Variants in TTN observed in about 807,000 individuals in gnomAD.
TTN encodes titin, also known as connectin.
TTN carries 1,525 observed loss-of-function variants against 3,223.0 expected under a neutral mutation model. That is an observed-to-expected ratio of 0.47 (90% confidence interval 0.45 to 0.49). TTN has a LOEUF of 0.49. Ranked by LOEUF, TTN falls within the 20% of genes least tolerant of loss-of-function variation. TTN has a pLI of 0.00. For missense variants in TTN, 40,786 were observed against 43,424.0 expected, an observed-to-expected ratio of 0.94 and a Z score of 5.40; for synonymous variants, 14,094 against 15,161.0, an observed-to-expected ratio of 0.93 and a Z score of 5.17.
Position 178,768,098 on chromosome 2 carries a change from C to T in TTN, c.9221G>A (p.Arg3074Gln), listed in dbSNP as rs565052824. 6.2e-6 allele frequency: 10 copies of T among 1,614,072 alleles called. No individual in the cohort carries two copies. In the East Asian group the frequency reaches 8.9e-5, roughly 14 times the overall value. ...AGAAACTTCACATTCAAACATGGCTCGCTTCTTCTCCAGTACCTTAATGTC... is the reference window on the plus strand; with the variant it reads ...AGAAACTTCACATTCAAACATGGCTTGCTTCTTCTCCAGTACCTTAATGTC... ...IKDIKVLEKK[R>Q]AMFECEVSEP... The change falls in exon 39 of 363, where the codon CGA becomes CAA. Residue 3074 changes from arginine to glutamine, a missense_variant. Arg to Gln is a conservative substitution (Grantham distance 43). Transcript: ENST00000589042.
In TTN at chr2:178,531,410, T is replaced by C; in HGVS notation, c.105205A>G (p.Lys35069Glu). The change falls in exon 358 of 363, where the codon AAA becomes GAA. Residue 35069 changes from lysine (K) to glutamate (E), a missense_variant. Lys to Glu is a moderately conservative substitution (Grantham distance 56). Coordinates refer to ENST00000589042, the MANE Select transcript of TTN (RefSeq NM_001267550.2). ...GACGAAGCTTCCATCTCAGATGTTT[T>C]CTTAAATGATGAAACAGCATACGCC... ...TEAYAVSSFK[K>E]TSEMEASSSV... is the part of the protein sequence containing the mutation. 6.2e-7 allele frequency: 1 copy of C among 1,614,042 alleles called. No homozygotes were observed. Among genetic ancestry groups the C allele is most frequent in the Non-Finnish European group, 8.5e-7 (1 of 1,179,898 alleles).
At chr2:178,761,846 C>T (rs2089288139) in intron 43 of TTN, among the ~76,000 whole-genome samples, 1 of 152,162 alleles carries the variant, frequency 6.6e-6, no homozygotes, top group Admixed American at 6.5e-5. Flanking sequence ...ACTAATTATT[C>T]ATCATTTCTG....
intron 168 of TTN, 54 bp downstream of exon 168, chr2:178,664,406 C>A: frequency 1.5e-6 from 2 of 1,370,288 alleles, no homozygotes; most frequent in South Asian, 2.5e-5. Context: ...GAAAGGTGGT[C>A]CTTTCTATCG....
rs376621189 is a variant in TTN, at chr2:178,599,272, C to T, written c.56521G>A (p.Glu18841Lys). The change falls in exon 290 of 363, where the codon GAG becomes AAG. Residue 18841 changes from glutamate (E) to lysine (K), a missense_variant. Physicochemically the swap from Glu to Lys is moderately conservative, Grantham distance 56 (BLOSUM62 1). Transcript: ENST00000589042. ...AATTTGGGAATCGTGTACGTGCACTCCTTAGGTTCACTGGAGACATGGACC... is the reference window on the plus strand; with the variant it reads ...AATTTGGGAATCGTGTACGTGCACTTCTTAGGTTCACTGGAGACATGGACC... ...TWVHVSSEPKECTYTIPKLLE... is the reference protein window; with the variant it reads ...TWVHVSSEPKKCTYTIPKLLE... 2.5e-6 allele frequency: 4 copies of T among 1,595,810 alleles called. No individual in the cohort carries two copies. The African/African-American group carries it at 5.4e-5, about 22-fold the overall frequency.
In TTN at chr2:178,526,638, T is replaced by A. The variant is rs963597034; in HGVS notation, c.*374A>T. 3.0e-5 allele frequency: 5 copies of A among 169,038 alleles called. No homozygotes were observed. The highest frequency in any genetic ancestry group is 9.6e-5 in the African/African-American group (4 of 41,836). The allele number at this position is 169,038 out of a possible 1,614,324, so 10.5% of individuals were successfully genotyped here. A position where few individuals can be genotyped will look rare whatever the true frequency, so the allele number is the denominator to read the frequency against. On this transcript the variant is annotated 3_prime_UTR_variant, in exon 363 of 363. Coordinates refer to ENST00000589042, the MANE Select transcript of TTN (RefSeq NM_001267550.2). ...ATTTTCTCAACCCACTGAGGCATACTTAGACATCAACAGTATGTTGAGGCA... is the reference window on the plus strand; with the variant it reads ...ATTTTCTCAACCCACTGAGGCATACATAGACATCAACAGTATGTTGAGGCA...
chr2:178,568,323 C>T lies in TTN; in HGVS notation c.77809G>A (p.Val25937Ile). The T allele has an allele frequency of 1.2e-6, 2 of 1,613,420 alleles. No individual in the cohort carries two copies. The highest frequency in any genetic ancestry group is 8.5e-7 in the Non-Finnish European group (1 of 1,179,618). ...IVQKRDTTTT[V>I]WDVVSATVAR... is the part of the protein sequence containing the mutation. ...ACAGTAGCAGAAACAACATCCCATA[C>T]TGTGGTGGTTGTATCTCTTTTCTGA... Residue 25937 changes from valine (V) to isoleucine (I), a missense_variant, in exon 326 of 363, where the codon GTA becomes ATA. Coordinates refer to ENST00000589042, the MANE Select transcript of TTN (RefSeq NM_001267550.2).
At chr2:178,627,321 T>C (rs1421713816) in intron 240 of TTN, among the ~76,000 whole-genome samples, 2 of 151,988 alleles carry the variant, frequency 1.3e-5, no homozygotes, top group African/African-American at 4.8e-5. Flanking sequence ...AGCTTGTTTT[T>C]GCTTGTTTGG....
chr2:178,694,497 G>T, intron 117 of TTN, 102 bp downstream of exon 117: 1 of 716,446 alleles, frequency 1.4e-6, no homozygotes, highest in Non-Finnish European at 2.2e-6. Context: ...TGCTGTTTTT[G>T]GTCGTTTCAG....
chr2:178,601,730 T>C lies in TTN; in HGVS notation c.55360A>G (p.Thr18454Ala). The C allele has an allele frequency of 6.2e-7, 1 of 1,610,018 alleles. No individual in the cohort carries two copies. The highest frequency in any genetic ancestry group is 8.5e-7 in the Non-Finnish European group (1 of 1,178,634). Residue 18454 changes from threonine (T) to alanine (A), a missense_variant, in exon 286 of 363, where the codon ACA (threonine) becomes GCA (alanine). Transcript: ENST00000589042. ...TTGGCTGTGATGCTGTATTTGCCTG[T>C]ATGAGATCGTTTACACTCCGGAATA... ...IIIPECKRSH[T>A]GKYSITAKNK...
chr2:178,549,933 G>A (rs1698666667), intron 337 of TTN, 53 bp downstream of exon 337: 3 of 1,552,668 alleles, frequency 1.9e-6, no homozygotes, highest in Non-Finnish European at 2.6e-6. Context: ...AACTAGGCAT[G>A]TCTCTAATCC....
chr2:178,613,170 C>T lies in TTN; in HGVS notation c.49639G>A (p.Asp16547Asn). ...ATTATATAAATAATACCTATGGGAT[C>T]CTTTATTAAGATTGGTTCAGTTGAT... ...SKSTEPILIK[D>N]PIDPPWPPGK... The change falls in exon 264 of 363, where the codon GAT becomes AAT. Residue 16547 changes from aspartate (D) to asparagine (N), a missense_variant. Physicochemically the swap from Asp to Asn is conservative, Grantham distance 23. Coordinates refer to ENST00000589042, the MANE Select transcript of TTN (RefSeq NM_001267550.2). 6.2e-7 allele frequency: 1 copy of T among 1,609,868 alleles called. No individual in the cohort carries two copies. The highest frequency in any genetic ancestry group is 1.1e-5 in the South Asian group (1 of 90,042).
chr2:178,712,855 C>T lies in TTN; in HGVS notation c.27170G>A (p.Ser9057Asn), dbSNP rs768427223. Reference sequence around the variant, plus strand: ...GCATCTGTCACCTGGTACTAGTTCACTGCTACCTTTGAACCAGCTAACACT... The same window carrying T: ...GCATCTGTCACCTGGTACTAGTTCATTGCTACCTTTGAACCAGCTAACACT... ...PFSVSWFKGS[S>N]ELVPGDRCNV... Residue 9057 changes from serine (S) to asparagine (N), a missense_variant, in exon 94 of 363, where the codon AGT becomes AAT. Coordinates refer to ENST00000589042, the MANE Select transcript of TTN (RefSeq NM_001267550.2). The T allele has an allele frequency of 1.2e-5, 19 of 1,613,686 alleles. No individual in the cohort carries two copies. The South Asian group carries it at 2.1e-4, about 18-fold the overall frequency.
In TTN at chr2:178,568,815, C is replaced by T. The variant is rs757299028; in HGVS notation, c.77317G>A (p.Ala25773Thr). ...QGEEYLFRVV[A>T]VNEKGRSDPR... ...TCACTTCTCCCCTTTTCATTTACAG[C>T]AACAACTCTAAAAAGATATTCTTCC... The change falls in exon 326 of 363, where the codon GCT (alanine) becomes ACT (threonine). Residue 25773 changes from alanine to threonine, a missense_variant. Coordinates refer to ENST00000589042, the MANE Select transcript of TTN (RefSeq NM_001267550.2). The T allele has an allele frequency of 1.9e-6, 3 of 1,613,218 alleles. No homozygotes were observed. Among genetic ancestry groups the T allele is most frequent in the East Asian group, 2.2e-5 (1 of 44,782 alleles).
chr2:178,800,772 C>G, intron 3 of TTN, 90 bp from the exon 4 acceptor site: 1 of 1,412,792 alleles, frequency 7.1e-7, no homozygotes, highest in Non-Finnish European at 9.5e-7. Flanking sequence ...ATTCCAAAAC[C>G]AGGTGATGAC....
At chr2:178,676,101 G>C (rs1425638802) in intron 147 of TTN, 106 bp from the exon 148 acceptor site, 1 of 1,033,086 alleles carries the variant, frequency 9.7e-7, no homozygotes, top group Non-Finnish European at 1.4e-6. Flanking sequence ...AGTCGCTCAA[G>C]ACAGGTCTGT....
In TTN at chr2:178,795,330, GGAAGTGCTTTAAGGCAGAGTT is replaced by G. The variant is rs528879238; in HGVS notation, c.915-99_915-79del. ...GATGTGAATCATGAGATGAAAAGCT[GGAAGTGCTTTAAGGCAGAGTT>G]TTAAAATGTGTGCCTCCATAACCCA... On this transcript the variant is annotated intron_variant, in intron 6 of 362. Transcript: ENST00000589042. 7,184 of 1,412,794 alleles carry G rather than the reference GGAAGTGCTTTAAGGCAGAGTT, an allele frequency of 5.1e-3. 26 individuals carry two copies. The highest frequency in any genetic ancestry group is 6.6e-3 in the Non-Finnish European group (6,596 of 1,001,950). The allele number at this position is 1,412,794 out of a possible 1,614,324, so 87.5% of individuals were successfully genotyped here.
Position 178,715,176 on chromosome 2 carries a change from G to A in TTN, c.26010C>T (p.Pro8670=), listed in dbSNP as rs748520353. 1.9e-6 allele frequency: 3 copies of A among 1,613,710 alleles called. No homozygotes were observed. In the South Asian group the frequency reaches 3.3e-5, roughly 18 times the overall value. Residue 8670 remains proline, a synonymous_variant, in exon 90 of 363, where the codon CCC becomes CCT. Coordinates refer to ENST00000589042, the MANE Select transcript of TTN (RefSeq NM_001267550.2). ...VHLECELQGT[P]PFHVSWYKDK... ...CTTTATACCAAGAAACGTGAAATGG[G>A]GGAGTGCCCTGAAGCTCACATTCAA...
intron 44 of TTN, 73 bp from the exon 45 acceptor site, chr2:178,757,989 G>A: frequency 1.4e-6 from 2 of 1,452,142 alleles, no homozygotes; most frequent in South Asian, 1.6e-5. Context: ...GTTGTCTACA[G>A]ATTTGTCACA....
At position 178,535,814 on chromosome 2, in the gene TTN, C is replaced by A. The variant is rs771888313; in HGVS notation, c.100801G>T (p.Gly33601Cys). Reference protein sequence around the residue: ...AKIHLPKTLEGMGAVHALRGE... With the variant: ...AKIHLPKTLECMGAVHALRGE... ...CGGAGAGCATGAACTGCTCCCATGC[C>A]TTCAAGAGTTTTAGGTAAGTGTATC... Residue 33601 changes from glycine (G) to cysteine (C), a missense_variant, in exon 358 of 363, where the codon GGC becomes TGC. Gly to Cys is a radical substitution (Grantham distance 159). Coordinates refer to ENST00000589042, the MANE Select transcript of TTN (RefSeq NM_001267550.2). 42 of 1,602,264 alleles carry A rather than the reference C, an allele frequency of 2.6e-5. No individual in the cohort carries two copies. The highest frequency in any genetic ancestry group is 3.5e-5 in the Non-Finnish European group (41 of 1,174,464).
Sources: allele counts gnomAD v4.1 joint callset (sites outside exome capture counted in the v4.1 genomes callset), GRCh38; gene constraint gnomAD v4.1.1; transcripts MANE v1.5; gene names NCBI Gene and HGNC (gene_info 2026-07-23, HGNC 2026-07-21).